The following RBFOX3 variants were observed in gnomAD, a reference collection of about 807,000 sequenced individuals.
RBFOX3 encodes the protein RNA binding protein fox-1 homolog 3.
RBFOX3 carries 17 observed loss-of-function variants against 48.7 expected under a neutral mutation model. The observed-to-expected ratio is 0.35, with a 90% confidence interval of 0.24 to 0.52. The LOEUF is 0.52. Among genes scored for constraint, RBFOX3 ranks in the 20% least tolerant of loss-of-function variants. The probability of loss-of-function intolerance (pLI) is 0.94; values close to 1 mark genes in which losing one functional copy is unlikely to be tolerated. For synonymous variants in RBFOX3, 212 were observed against 209.5 expected (o/e 1.01, Z -0.10); for missense variants, 382 against 497.5 (o/e 0.77, Z 2.21).
chr17:79,284,754 G>C (rs2071461754), intron 3 of RBFOX3, among the ~76,000 whole-genome samples: 1 of 152,100 alleles, frequency 6.6e-6, no homozygotes, highest in Non-Finnish European at 1.5e-5. Context: ...TGTCCAGGCT[G>C]GTGTCGAACT....
At chr17:79,389,938 A>G (rs936096925) in intron 2 of RBFOX3, among the ~76,000 whole-genome samples, 1 of 152,114 alleles carries the variant, frequency 6.6e-6, no homozygotes, top group African/African-American at 2.4e-5. Flanking sequence ...GAGCAACCAG[A>G]GCCAGGTCTC....
At chr17:79,306,751 AC>A (rs2076155983) in intron 3 of RBFOX3, among the ~76,000 whole-genome samples, 1 of 151,932 alleles carries the variant, frequency 6.6e-6, no homozygotes, top group Non-Finnish European at 1.5e-5. Context: ...ACCTGAGCCA[AC>A]CTCCTAGGCC....
rs370754514 is a variant in RBFOX3 at position 79,477,748 on chromosome 17, C to T, written c.-175+4706G>A. On this transcript the variant is annotated intron_variant, in intron 2 of 14. Coordinates refer to ENST00000693108, the MANE Select transcript of RBFOX3 (RefSeq NM_001350451.2). The surrounding 1 kb of genome is among the most constrained non-coding windows in gnomAD (Gnocchi z 4.8). ...GAATGAGGGACTGAAGTGGCTGAGC[C>T]TGGCATCCTTCCTAAATATTTTCCA... Among the ~76,000 whole-genome samples the T allele has an allele frequency of 4.4e-3, 668 of 152,292 alleles. 2 individuals carry two copies. The highest frequency in any genetic ancestry group is 0.022 in the South Asian group (104 of 4,822).
intron 1 of RBFOX3, among the ~76,000 whole-genome samples, chr17:79,492,993 G>A (rs8070170): frequency 0.8 from 122,065 of 152,024 alleles, 50,529 homozygotes; most frequent in Non-Finnish European, 0.9. Flanking sequence ...GCTATACAGA[G>A]ATGCCTGAGG....
At chr17:79,465,281 A>G (rs2076163673) in intron 2 of RBFOX3, among the ~76,000 whole-genome samples, 1 of 152,228 alleles carries the variant, frequency 6.6e-6, no homozygotes, top group African/African-American at 2.4e-5. Flanking sequence ...TGCTCGTCAG[A>G]GAAAAGCTCC....
At position 79,198,686 on chromosome 17, in the gene RBFOX3, C is replaced by T. The variant is rs1362930087; in HGVS notation, c.-34+37080G>A. ...TGTCACTCAAGCTGGAGTGCAGTGG[C>T]ATGATCTAGGCTCGTTGCAACCTCC... On this transcript the variant is annotated intron_variant, in intron 4 of 14. Transcript: ENST00000693108. The surrounding 1 kb of genome is among the most constrained non-coding windows in gnomAD (Gnocchi z 8.2). Among the ~76,000 whole-genome samples, 1 of 151,642 alleles carries T rather than the reference C, an allele frequency of 6.6e-6. No homozygotes were observed. Among genetic ancestry groups the T allele is most frequent in the African/African-American group, 2.4e-5 (1 of 41,210 alleles).
chr17:79,533,610 A>T (rs73426818), intron 1 of RBFOX3, among the ~76,000 whole-genome samples: 1 of 152,332 alleles, frequency 6.6e-6, no homozygotes, highest in African/African-American at 2.4e-5. Flanking sequence ...TGAGGCATAG[A>T]TACCCCGCGA....
chr17:79,659,099 C>T, the RBFOX3 span, among the ~76,000 whole-genome samples: 1 of 152,116 alleles, frequency 6.6e-6, no homozygotes. Flanking sequence ...ACGTGAGTGG[C>T]CGCCTTGGTC....
At chr17:79,387,899 T>C (rs1341316239) in intron 2 of RBFOX3, among the ~76,000 whole-genome samples, 3 of 148,300 alleles carry the variant, frequency 2.0e-5, no homozygotes, top group Non-Finnish European at 3.0e-5. Flanking sequence ...CAAGAGTGTG[T>C]GATTGTGTGT....
At chr17:79,519,389 C>T (rs1037267888) in intron 1 of RBFOX3, among the ~76,000 whole-genome samples, 8 of 152,372 alleles carry the variant, frequency 5.3e-5, no homozygotes, top group Non-Finnish European at 7.3e-5. Context: ...GGAATGGCCC[C>T]GGCTTTGCAG....
chr17:79,190,426 AAAAAAC>A (rs2054255413), intron 4 of RBFOX3, among the ~76,000 whole-genome samples: 1 of 69,604 alleles, frequency 1.4e-5, no homozygotes, highest in Non-Finnish European at 3.9e-5. Flanking sequence ...AAAAAAAAAA[AAAAAAC>A]AAAAAAACAG....
At chr17:79,422,387 T>C (rs1555723005) in intron 2 of RBFOX3, among the ~76,000 whole-genome samples, 1 of 134,732 alleles carries the variant, frequency 7.4e-6, no homozygotes, top group Non-Finnish European at 1.6e-5. Flanking sequence ...GCACCCCCAC[T>C]GCCTCCCTGT....
At chr17:79,112,403 C>T (rs1030090635) in intron 5 of RBFOX3, among the ~76,000 whole-genome samples, 2 of 152,168 alleles carry the variant, frequency 1.3e-5, no homozygotes, top group African/African-American at 4.8e-5. Flanking sequence ...CCACCAATTG[C>T]TGGCTGGAAA....
At position 79,198,313 on chromosome 17, in the gene RBFOX3, C is replaced by T. The variant is rs111650999; in HGVS notation, c.-34+37453G>A. On this transcript the variant is annotated intron_variant, in intron 4 of 14. Coordinates refer to ENST00000693108, the MANE Select transcript of RBFOX3 (RefSeq NM_001350451.2). This position sits in a 1 kb window ranked among gnomAD's most constrained non-coding sequence, Gnocchi z 8.2. ...ATCCCACATGAGGCGACCTTGCAGG[C>T]ACAGGTGCGGACAGGAAGGAGAGCC... Among the ~76,000 whole-genome samples the T allele has an allele frequency of 0.032, 4,857 of 152,330 alleles. 110 individuals carry two copies. The highest frequency in any genetic ancestry group is 0.056 in the African/African-American group (2,317 of 41,578).
intron 3 of RBFOX3, among the ~76,000 whole-genome samples, chr17:79,256,577 C>T (rs2064886764): frequency 6.6e-6 from 1 of 152,168 alleles, no homozygotes; most frequent in South Asian, 2.1e-4. Context: ...AGGAGAAAGT[C>T]TTTAGGTGGA....
At chr17:79,264,964 G>GT (rs2066438525) in intron 3 of RBFOX3, among the ~76,000 whole-genome samples, 2 of 138,760 alleles carry the variant, frequency 1.4e-5, no homozygotes. Context: ...AGTGCGAGAG[G>GT]AGGGGGGGGG....
In RBFOX3 at chr17:79,090,769, G is replaced by T. The variant is rs565756396; in HGVS notation, c.*114C>A. The T allele has an allele frequency of 3.2e-3, 3,718 of 1,155,104 alleles. 117 individuals are homozygous for T. In the South Asian group the frequency reaches 0.056, roughly 17 times the overall value. 71.6% of individuals were successfully genotyped at this position (1,155,104 alleles called of 1,614,324 possible). ...GGTTGGATGCCTCTTGGTTTGGTTG[G>T]TTTTTTTTTTGTTGCTTGGATCTTA... On this transcript the variant is annotated 3_prime_UTR_variant, in exon 15 of 15. Transcript: ENST00000693108.
chr17:79,463,287 T>C (rs1469682807), intron 2 of RBFOX3, among the ~76,000 whole-genome samples: 1 of 34,102 alleles, frequency 2.9e-5, no homozygotes. Flanking sequence ...TCCACCACCA[T>C]CACCACTGAC....
At chr17:79,176,952 G>C (rs1172786241) in intron 4 of RBFOX3, among the ~76,000 whole-genome samples, 1 of 152,176 alleles carries the variant, frequency 6.6e-6, no homozygotes. Flanking sequence ...AGAGACAGAC[G>C]GTGACCTGTA....
Sources: gnomAD v4.1 joint callset for allele counts (sites outside exome capture counted in the v4.1 genomes callset) on GRCh38, gnomAD v4.1.1 for gene constraint, Gnocchi (gnomAD v3.1) non-coding constraint, MANE v1.5 for transcripts, NCBI Gene and HGNC (gene_info 2026-07-23, HGNC 2026-07-21) for gene names.